The following TAFA5 variants were observed in gnomAD, a reference collection of about 807,000 sequenced individuals.
The protein encoded by TAFA5 is chemokine-like protein TAFA-5.
In TAFA5, 6 loss-of-function variants were observed where a neutral mutation model predicts 15.3. That is an observed-to-expected ratio of 0.39 (90% CI 0.21 to 0.77). The LOEUF (loss-of-function observed/expected upper bound fraction) is 0.77. TAFA5 is among the 30% of genes least tolerant of loss of function. TAFA5 has a pLI of 0.41. For synonymous variants in TAFA5, 103 were observed against 80.7 expected (o/e 1.28, Z -1.48); for missense variants, 161 against 193.1 (o/e 0.83, Z 0.98).
Position 48,707,766 on chromosome 22 carries a change from G to A in TAFA5, c.312G>A (p.Glu104=). The A allele has an allele frequency of 6.2e-7, 1 of 1,613,962 alleles. No homozygotes were observed. Among genetic ancestry groups the A allele is most frequent in the South Asian group, 1.1e-5 (1 of 91,082 alleles). The part of the protein sequence containing the change: ...KQWCDMLPCL[E]GEGCDLLINR... The stretch of plus-strand genomic sequence containing the variant: ...GGTGTGACATGCTTCCGTGTCTGGA[G>A]GGGGAAGGCTGCGACTTGTTAATCA... Residue 104 remains glutamate, a synonymous_variant, in exon 3 of 4, where the codon GAG becomes GAA. Coordinates refer to ENST00000402357, the MANE Select transcript of TAFA5 (RefSeq NM_001082967.3).
At chr22:48,535,076 CCAAGG>C (rs1922108357) in intron 1 of TAFA5, among the ~76,000 whole-genome samples, 1 of 152,166 alleles carries the variant, frequency 6.6e-6, no homozygotes. Flanking sequence ...CAGCCCCTCC[CCAAGG>C]CTGGGCCCTG....
intron 1 of TAFA5, among the ~76,000 whole-genome samples, chr22:48,500,242 T>C (rs1188069516): frequency 6.6e-6 from 1 of 152,128 alleles, no homozygotes; most frequent in African/African-American, 2.4e-5. Flanking sequence ...ATAATGCAGA[T>C]GGCAGGCTCG....
At chr22:48,549,073 C>A (rs1361394808) in intron 1 of TAFA5, among the ~76,000 whole-genome samples, 1 of 152,230 alleles carries the variant, frequency 6.6e-6, no homozygotes, top group African/African-American at 2.4e-5. Context: ...ACAGTTTCAT[C>A]ATACATTGTC....
At chr22:48,705,128 T>C (rs1829073245) in intron 2 of TAFA5, among the ~76,000 whole-genome samples, 2 of 151,996 alleles carry the variant, frequency 1.3e-5, no homozygotes, top group Admixed American at 6.6e-5. Flanking sequence ...AATCCAGGGG[T>C]GAGGCTGCAC....
At chr22:48,700,132 G>C (rs889509872) in intron 2 of TAFA5, among the ~76,000 whole-genome samples, 1 of 152,210 alleles carries the variant, frequency 6.6e-6, no homozygotes, top group Non-Finnish European at 1.5e-5. Flanking sequence ...ACTTAAGACT[G>C]TGCTGGATTT....
At chr22:48,717,418 G>C (rs946240768) in intron 3 of TAFA5, among the ~76,000 whole-genome samples, 2 of 152,252 alleles carry the variant, frequency 1.3e-5, no homozygotes, top group African/African-American at 4.8e-5. Context: ...ATGAGGGGAA[G>C]GGGTCAGGGG....
chr22:48,673,889 C>T (rs1927880568), intron 2 of TAFA5, among the ~76,000 whole-genome samples: 1 of 152,120 alleles, frequency 6.6e-6, no homozygotes, highest in African/African-American at 2.4e-5. Flanking sequence ...TGCATCATAG[C>T]TGGGTATAGC....
intron 1 of TAFA5, among the ~76,000 whole-genome samples, chr22:48,583,140 C>T (rs966450505): frequency 1.4e-5 from 2 of 139,398 alleles, no homozygotes; most frequent in African/African-American, 2.7e-5. Context: ...CACACACACA[C>T]CACACACCAC....
rs541976802 is a variant in TAFA5 at position 48,597,673 on chromosome 22, C to T, written c.113-48924C>T. 1.0e-4 allele frequency among the ~76,000 whole-genome samples: 16 copies of T among 152,400 alleles called. No homozygotes were observed. The East Asian group carries it at 3.1e-3, about 29-fold the overall frequency. On this transcript the variant is annotated intron_variant, in intron 1 of 3. Coordinates refer to ENST00000402357, the MANE Select transcript of TAFA5 (RefSeq NM_001082967.3). ...CCCACCACATGCGGTTATATCTGCA[C>T]CTCAGCTTCCGGTTCTTGGCTGAGT...
At chr22:48,685,815 C>T (rs1008479458) in intron 2 of TAFA5, among the ~76,000 whole-genome samples, 10 of 152,134 alleles carry the variant, frequency 6.6e-5, no homozygotes, top group African/African-American at 1.9e-4. Context: ...CACCTGTTGC[C>T]GGCTGCATCC....
intron 1 of TAFA5, among the ~76,000 whole-genome samples, chr22:48,565,888 T>C (rs561161532): frequency 6.6e-6 from 1 of 151,858 alleles, no homozygotes; most frequent in African/African-American, 2.4e-5. Context: ...AATGGATGGA[T>C]GGATGATAGA....
At chr22:48,580,671 G>A (rs1405576705) in intron 1 of TAFA5, among the ~76,000 whole-genome samples, 2 of 152,186 alleles carry the variant, frequency 1.3e-5, no homozygotes, top group Non-Finnish European at 2.9e-5. Context: ...GTGTGTGGAA[G>A]GAGGAGGGAG....
At chr22:48,650,463 A>G (rs5771675) in intron 2 of TAFA5, among the ~76,000 whole-genome samples, 79,855 of 151,904 alleles carry the variant, frequency 0.53, 21,423 homozygotes, top group African/African-American at 0.62. Flanking sequence ...CCAGAGTGCC[A>G]TCACTTTTTC....
intron 1 of TAFA5, among the ~76,000 whole-genome samples, chr22:48,575,633 C>T (rs1206988654): frequency 6.8e-6 from 1 of 146,306 alleles, no homozygotes; most frequent in Admixed American, 6.8e-5. Context: ...CAGCGGCGGC[C>T]CAGCGTGGGC....
chr22:48,675,928 T>C (rs1326290499), intron 2 of TAFA5, among the ~76,000 whole-genome samples: 1 of 152,232 alleles, frequency 6.6e-6, no homozygotes, highest in African/African-American at 2.4e-5. Context: ...CAGGCACAGG[T>C]GCCTCATTTG....
At chr22:48,545,687 G>A (rs1376284697) in intron 1 of TAFA5, 1 of 152,422 alleles carries the variant, frequency 6.6e-6, no homozygotes, top group Non-Finnish European at 1.5e-5. Context: ...TCTAGGGTGT[G>A]GAGACAGCTG....
intron 3 of TAFA5, 42 bp downstream of exon 3, chr22:48,707,886 G>A (rs909644807): frequency 2.5e-6 from 4 of 1,596,876 alleles, no homozygotes; most frequent in East Asian, 2.2e-5. Flanking sequence ...CTGGGGAGGG[G>A]GTATGTGTGT....
chr22:48,684,662 G>A (rs1433664607), intron 2 of TAFA5, among the ~76,000 whole-genome samples: 1 of 152,202 alleles, frequency 6.6e-6, no homozygotes, highest in East Asian at 1.9e-4. Context: ...CAGGATCTTT[G>A]AGGTTGTCAG....
At chr22:48,540,210 G>A (rs1459130611) in intron 1 of TAFA5, among the ~76,000 whole-genome samples, 2 of 152,068 alleles carry the variant, frequency 1.3e-5, no homozygotes, top group Non-Finnish European at 2.9e-5. Context: ...TCACAAAGGT[G>A]TGTTTGAATT....
Sources: allele counts gnomAD v4.1 joint callset (sites outside exome capture counted in the v4.1 genomes callset), GRCh38; gene constraint gnomAD v4.1.1; transcripts MANE v1.5; gene names NCBI Gene and HGNC (gene_info 2026-07-23, HGNC 2026-07-21).